VWA7: variants seen among roughly 807,000 people sequenced by gnomAD.
VWA7 encodes the protein von Willebrand factor A domain containing 7, also known as von Willebrand factor A domain-containing protein 7.
A neutral mutation model predicts 83.1 loss-of-function variants in VWA7; 66 were observed. That is an observed-to-expected ratio of 0.79 (90% CI 0.65 to 0.98). The LOEUF (loss-of-function observed/expected upper bound fraction) is 0.98, where lower values mean the gene tolerates loss of function less well. VWA7 is among the 50% of genes least tolerant of loss of function. VWA7 has a pLI of 0.00. For synonymous variants in VWA7, 424 were observed against 488.5 expected, an observed-to-expected ratio of 0.87 and a Z score of 1.74; for missense variants, 1,080 against 1,160.2, an observed-to-expected ratio of 0.93 and a Z score of 1.00.
At chr6:31,770,754 T>C (rs1026417194) in intron 7 of VWA7, among the ~76,000 whole-genome samples, 1 of 151,404 alleles carries the variant, frequency 6.6e-6, no homozygotes, top group Non-Finnish European at 1.5e-5. Context: ...TCACACCTAT[T>C]ATCCCAGCAC....
In VWA7 at chr6:31,775,268, C is replaced by T. The variant is rs1346149620; in HGVS notation, c.610+65G>A. 6.5e-6 allele frequency: 9 copies of T among 1,392,750 alleles called. No individual in the cohort carries two copies. The highest frequency in any genetic ancestry group is 8.9e-6 in the Non-Finnish European group (9 of 1,010,382). The allele number at this position is 1,392,750 out of a possible 1,614,324, so 86.3% of individuals were successfully genotyped here. A position where few individuals can be genotyped will look rare whatever the true frequency, so the allele number is the denominator to read the frequency against. ...CCCTCTGGGACTTCAGAATGTGACA[C>T]AGTGGCTGGGTGGACTGAGGTGGCC... On this transcript the variant is annotated intron_variant, in intron 4 of 16. Transcript: ENST00000375688. The surrounding 1 kb of genome is among the most constrained non-coding windows in gnomAD (Gnocchi z 5.9).
chr6:31,766,466 C>T lies in VWA7; in HGVS notation c.2181G>A (p.Leu727=), dbSNP rs2151389440. 6.3e-7 allele frequency: 1 copy of T among 1,593,088 alleles called. No homozygotes were observed. Among genetic ancestry groups the T allele is most frequent in the Non-Finnish European group, 8.6e-7 (1 of 1,169,042 alleles). The change falls in exon 14 of 17, where the codon CTG becomes CTA. Residue 727 remains leucine, a synonymous_variant. Transcript: ENST00000375688. The surrounding 1 kb of genome is among the most constrained non-coding windows in gnomAD (Gnocchi z 4.9). ...PQPSTVVPVL[L]ELSGPSGFLA... is the part of the protein sequence containing the mutation. ...GCACTTTCCCCTGGCGTCTCACCTC[C>T]AGAAGGACAGGGACTACAGTGCTAG...
Position 31,775,579 on chromosome 6 carries a change from C to T in VWA7, c.514-150G>A. ...CACCAGACACCCCAAGTCCCCTCCA[C>T]TGCCCTCTCTCCATTGCTCAGAGCA... On this transcript the variant is annotated intron_variant, in intron 3 of 16. Transcript: ENST00000375688. This position sits in a 1 kb window ranked among gnomAD's most constrained non-coding sequence, Gnocchi z 5.9. The T allele has an allele frequency of 3.0e-6, 2 of 675,242 alleles. No homozygotes were observed. Among genetic ancestry groups the T allele is most frequent in the South Asian group, 1.9e-5 (1 of 53,944 alleles). The allele number at this position is 675,242 out of a possible 1,614,324, so 41.8% of individuals were successfully genotyped here. A position where few individuals can be genotyped will look rare whatever the true frequency, so the allele number is the denominator to read the frequency against.
Position 31,767,149 on chromosome 6 carries a change from T to C in VWA7, c.1882+9A>G. On this transcript the variant is annotated intron_variant, in intron 13 of 16. Coordinates refer to ENST00000375688, the MANE Select transcript of VWA7 (RefSeq NM_025258.3). The stretch of plus-strand genomic sequence containing the variant: ...GTTAGGTGGGTGGGGGCTCAGGGAA[T>C]AAATGTACCTGCAACTGGCTGAGTC... 2.1e-6 allele frequency: 3 copies of C among 1,446,848 alleles called. No homozygotes were observed. The highest frequency in any genetic ancestry group is 2.7e-6 in the Non-Finnish European group (3 of 1,091,084). The allele number at this position is 1,446,848 out of a possible 1,614,324, so 89.6% of individuals were successfully genotyped here. A position where few individuals can be genotyped will look rare whatever the true frequency, so the allele number is the denominator to read the frequency against.
At chr6:31,772,461 T>TTTTC (rs1170621837) in intron 7 of VWA7, among the ~76,000 whole-genome samples, 1 of 151,028 alleles carries the variant, frequency 6.6e-6, no homozygotes, top group Non-Finnish European at 1.5e-5. Flanking sequence ...TTGCTGCTAA[T>TTTTC]TTTCTGTATG....
At chr6:31,768,941 C>T in intron 10 of VWA7, 77 bp downstream of exon 10, 2 of 1,424,436 alleles carry the variant, frequency 1.4e-6, no homozygotes, top group Non-Finnish European at 9.3e-7. Flanking sequence ...GAGAGTGATT[C>T]CCCTTTCTCC....
chr6:31,775,503 C>T lies in VWA7; in HGVS notation c.514-74G>A. On this transcript the variant is annotated intron_variant, in intron 3 of 16. Coordinates refer to ENST00000375688, the MANE Select transcript of VWA7 (RefSeq NM_025258.3). This position sits in a 1 kb window ranked among gnomAD's most constrained non-coding sequence, Gnocchi z 5.9. ...CTCACCATCTCCAGCACTAATATGC[C>T]ACTCCTTTGAGTTCCCCATCCCGAA... 1 of 1,373,864 alleles carries T rather than the reference C, an allele frequency of 7.3e-7. No homozygotes were observed. The allele number at this position is 1,373,864 out of a possible 1,614,324, so 85.1% of individuals were successfully genotyped here.
Position 31,767,526 on chromosome 6 carries a change from G to GA in VWA7, c.1637-13dup. The GA allele has an allele frequency of 6.2e-7, 1 of 1,604,082 alleles. No individual in the cohort carries two copies. Among genetic ancestry groups the GA allele is most frequent in the East Asian group, 2.2e-5 (1 of 44,546 alleles). ...GCCCTGGGAGACCCCTGGGGTCAGG[G>GA]AAGAGATTGTCACATGAAGCACTTG... On this transcript the variant is annotated splice_polypyrimidine_tract_variant and intron_variant, in intron 11 of 16. Coordinates refer to ENST00000375688, the MANE Select transcript of VWA7 (RefSeq NM_025258.3).
chr6:31,776,919 C>T lies in VWA7; in HGVS notation c.-15-125G>A, dbSNP rs986389777. ...CGTGTCTGCTCCAGCCTGGCTTCCC[C>T]ACCCTCTCGCTGTCACCCAGACAAC... On this transcript the variant is annotated intron_variant, in intron 1 of 16. Coordinates refer to ENST00000375688, the MANE Select transcript of VWA7 (RefSeq NM_025258.3). The surrounding 1 kb of genome is among the most constrained non-coding windows in gnomAD (Gnocchi z 6.2). 3 of 518,036 alleles carry T rather than the reference C, an allele frequency of 5.8e-6. No homozygotes were observed. Among genetic ancestry groups the T allele is most frequent in the Non-Finnish European group, 9.8e-6 (3 of 307,050 alleles). 32.1% of individuals were successfully genotyped at this position (518,036 alleles called of 1,614,324 possible).
chr6:31,769,236 G>A lies in VWA7; in HGVS notation c.1318-33C>T. 1 of 1,594,104 alleles carries A rather than the reference G, an allele frequency of 6.3e-7. No individual in the cohort carries two copies. The highest frequency in any genetic ancestry group is 8.5e-7 in the Non-Finnish European group (1 of 1,169,808). On this transcript the variant is annotated intron_variant, in intron 9 of 16. Transcript: ENST00000375688. This position sits in a 1 kb window ranked among gnomAD's most constrained non-coding sequence, Gnocchi z 4.5. ...CAGAAGAGAGCTCAGTGATTGGGGT[G>A]TCCAAGTGCCATCCACTATTATGAA...
intron 5 of VWA7, among the ~76,000 whole-genome samples, chr6:31,774,264 C>G (rs1812479969): frequency 6.6e-6 from 1 of 152,030 alleles, no homozygotes; most frequent in South Asian, 2.1e-4. Flanking sequence ...GGTGGATCCC[C>G]TGATCCCTCC....
At chr6:31,770,503 C>CGGGAGGCAGAGGTTGCA (rs1812068683) in intron 7 of VWA7, among the ~76,000 whole-genome samples, 1 of 143,358 alleles carries the variant, frequency 7.0e-6, no homozygotes, top group Non-Finnish European at 1.5e-5. Flanking sequence ...CACTTGAACC[C>CGGGAGGCAGAGGTTGCA]GGGAGGCAGA....
rs9279415 is a variant in VWA7, at chr6:31,772,584, C to CTTTTTTTTTTTTTTTTTTTTTTTTTT, written c.1087+344_1087+369dup. On this transcript the variant is annotated intron_variant, in intron 7 of 16. Transcript: ENST00000375688. ...CTTTTCTTTTTTTTTTCTTTCTTTT[C>CTTTTTTTTTTTTTTTTTTTTTTTTTT]TTTTTTTTTTTTTTTTTTTTTTTTT... Among the ~76,000 whole-genome samples the CTTTTTTTTTTTTTTTTTTTTTTTTTT allele has an allele frequency of 1.5e-3, 51 of 35,088 alleles. 1 individual carries two copies. The highest frequency in any genetic ancestry group is 1.6e-3 in the African/African-American group (12 of 7,390). The allele number at this position is 35,088 out of a possible 152,430, so 23.0% of individuals were successfully genotyped here.
Position 31,776,536 on chromosome 6 carries a change from G to T in VWA7, c.234+10C>A. ...CTGGCAGGGGTGTGACAGGACCCTG[G>T]GATGCTCACCAGGAAGTCCTCAAGA... On this transcript the variant is annotated intron_variant, in intron 2 of 16. Coordinates refer to ENST00000375688, the MANE Select transcript of VWA7 (RefSeq NM_025258.3). The surrounding 1 kb of genome is among the most constrained non-coding windows in gnomAD (Gnocchi z 6.2). The T allele has an allele frequency of 6.5e-7, 1 of 1,542,440 alleles. No homozygotes were observed. Among genetic ancestry groups the T allele is most frequent in the Non-Finnish European group, 8.8e-7 (1 of 1,142,012 alleles).
At position 31,767,529 on chromosome 6, in the gene VWA7, G is replaced by A; in HGVS notation, c.1637-15C>T. 1.2e-6 allele frequency: 2 copies of A among 1,603,924 alleles called. No individual in the cohort carries two copies. Among genetic ancestry groups the A allele is most frequent in the East Asian group, 2.2e-5 (1 of 44,546 alleles). On this transcript the variant is annotated splice_polypyrimidine_tract_variant and intron_variant, in intron 11 of 16. Transcript: ENST00000375688. ...CTGGGAGACCCCTGGGGTCAGGGAA[G>A]AGATTGTCACATGAAGCACTTGCTC... is the stretch of plus-strand genomic sequence containing the variant.
intron 10 of VWA7, among the ~76,000 whole-genome samples, chr6:31,768,575 G>A (rs1049730166): frequency 4.6e-4 from 70 of 151,970 alleles, no homozygotes; most frequent in Non-Finnish European, 2.9e-5. Context: ...GTGGTGGCTC[G>A]CGCCTGTAAT....
chr6:31,774,434 A>T (rs1201358043), intron 5 of VWA7, 82 bp downstream of exon 5: 1 of 1,309,352 alleles, frequency 7.6e-7, no homozygotes, highest in East Asian at 2.4e-5. Flanking sequence ...GCCATAGCAA[A>T]GGCATACGGG....
At chr6:31,774,447 T>A in intron 5 of VWA7, 69 bp downstream of exon 5, 2 of 1,473,974 alleles carry the variant, frequency 1.4e-6, no homozygotes, top group South Asian at 1.2e-5. Context: ...CATACGGGCC[T>A]ACAGGACAGA....
At chr6:31,772,584 C>CTTTTTTTTTTTTTTTTT (rs9279415) in intron 7 of VWA7, among the ~76,000 whole-genome samples, 11 of 35,080 alleles carry the variant, frequency 3.1e-4, no homozygotes, top group East Asian at 1.6e-3. Flanking sequence ...TCTTTCTTTT[C>CTTTTTTTTTTTTTTTTT]TTTTTTTTTT....
Sources: allele counts gnomAD v4.1 joint callset (sites outside exome capture counted in the v4.1 genomes callset), GRCh38; gene constraint gnomAD v4.1.1; non-coding constraint Gnocchi (gnomAD v3.1); transcripts MANE v1.5; gene names NCBI Gene and HGNC (gene_info 2026-07-23, HGNC 2026-07-21).